Variants in DNAJB5 observed in about 807,000 individuals in gnomAD.
DNAJB5 encodes the protein DnaJ heat shock protein family (Hsp40) member B5.
DNAJB5 carries 12 observed loss-of-function variants against 32.6 expected under a neutral mutation model. That is an observed-to-expected ratio of 0.37 (90% CI 0.24 to 0.60). The LOEUF is 0.60. Ranked by LOEUF, DNAJB5 falls within the 20% of genes least tolerant of loss-of-function variation. DNAJB5 has a pLI of 0.71. For synonymous variants in DNAJB5, 188 were observed against 212.9 expected (o/e 0.88, Z 1.02); for missense variants, 358 against 554.2 (o/e 0.65, Z 3.55).
At position 34,992,865 on chromosome 9, in the gene DNAJB5, A is replaced by G. The variant is rs1226528310; in HGVS notation, c.183-335A>G. The G allele has an allele frequency of 1.1e-5, 13 of 1,162,678 alleles. No individual in the cohort carries two copies. In the East Asian group the frequency reaches 6.2e-4, roughly 55 times the overall value. 72.0% of individuals were successfully genotyped at this position (1,162,678 alleles called of 1,614,324 possible). On this transcript the variant is annotated intron_variant, in intron 2 of 4. Coordinates refer to ENST00000682809, the MANE Select transcript of DNAJB5 (RefSeq NM_001349723.3). ...CTCCTGTGTGTGGGTCGCTCAGTCC[A>G]TGGTGCCACCTCGCTCAGCAGGGCC...
chr9:34,998,677 C>T (rs1827866527), downstream of DNAJB5: 1 of 152,156 alleles, frequency 6.6e-6, no homozygotes, highest in African/African-American at 2.4e-5. Flanking sequence ...TATCCCTGCT[C>T]ATGAGAGACA....
In DNAJB5 at chr9:34,994,904, C is replaced by G. The variant is rs372585255; in HGVS notation, c.428-1361C>G. Among the ~76,000 whole-genome samples, 38 of 152,258 alleles carry G rather than the reference C, an allele frequency of 2.5e-4. 1 individual carries two copies. The South Asian group carries it at 6.0e-3, about 24-fold the overall frequency. On this transcript the variant is annotated intron_variant, in intron 3 of 4. Transcript: ENST00000682809. The stretch of plus-strand genomic sequence containing the variant: ...TATAGAGCAGTTATACACACAGACT[C>G]TGTGTGCAGCTCCAGCTAGGGACAA...
rs921543834 is a variant in DNAJB5, at chr9:34,990,969, T to C, written c.182+157T>C. The C allele has an allele frequency of 7.1e-5, 49 of 689,836 alleles. No individual in the cohort carries two copies. The highest frequency in any genetic ancestry group is 1.2e-4 in the Non-Finnish European group (49 of 419,758). 42.7% of individuals were successfully genotyped at this position (689,836 alleles called of 1,614,324 possible). Reference sequence around the variant, plus strand: ...GGCCTCACCCACATATTTGAATGAATTGCACCCCTTATCATTCCTTTTCTC... The same window carrying C: ...GGCCTCACCCACATATTTGAATGAACTGCACCCCTTATCATTCCTTTTCTC... On this transcript the variant is annotated intron_variant, in intron 2 of 4. Transcript: ENST00000682809. The surrounding 1 kb of genome is among the most constrained non-coding windows in gnomAD (Gnocchi z 4.5).
At chr9:34,991,535 G>A (rs925370405) in intron 2 of DNAJB5, 1 of 437,378 alleles carries the variant, frequency 2.3e-6, no homozygotes, top group African/African-American at 2.0e-5. Context: ...TCGTTCTCTA[G>A]GGGCACCCTC....
chr9:34,990,527 T>C lies in DNAJB5; in HGVS notation c.-104T>C. 1 of 1,544,782 alleles carries C rather than the reference T, an allele frequency of 6.5e-7. No homozygotes were observed. The highest frequency in any genetic ancestry group is 8.7e-7 in the Non-Finnish European group (1 of 1,146,710). On this transcript the variant is annotated 5_prime_UTR_variant, in exon 2 of 5. Coordinates refer to ENST00000682809, the MANE Select transcript of DNAJB5 (RefSeq NM_001349723.3). This position sits in a 1 kb window ranked among gnomAD's most constrained non-coding sequence, Gnocchi z 4.5. ...CGGCACCTGCTGCGCCAGACAGGCC[T>C]TGCTGGGCACGCGCCTCTGAGAGTC...
Position 34,997,290 on chromosome 9 carries a change from C to T in DNAJB5, c.*31C>T. 6.3e-7 allele frequency: 1 copy of T among 1,595,440 alleles called. No individual in the cohort carries two copies. The highest frequency in any genetic ancestry group is 8.6e-7 in the Non-Finnish European group (1 of 1,163,000). On this transcript the variant is annotated 3_prime_UTR_variant, in exon 5 of 5. Transcript: ENST00000682809. This position sits in a 1 kb window ranked among gnomAD's most constrained non-coding sequence, Gnocchi z 4.1. ...GCCCCAGCCAGTCCAGAGCCTACCA[C>T]AGCAATACCCCCAACACTCACTCCA...
intron 3 of DNAJB5, among the ~76,000 whole-genome samples, chr9:34,995,430 C>A (rs1827763904): frequency 6.6e-6 from 1 of 152,150 alleles, no homozygotes; most frequent in African/African-American, 2.4e-5. Flanking sequence ...CAGGACCTGA[C>A]AGAGAGAGCA....
At position 34,993,565 on chromosome 9, in the gene DNAJB5, C is replaced by A. The variant is rs143115356; in HGVS notation, c.427+121C>A. The A allele has an allele frequency of 1.0e-4, 138 of 1,335,360 alleles. 1 individual carries two copies. The African/African-American group carries it at 1.6e-3, about 16-fold the overall frequency. 82.7% of individuals were successfully genotyped at this position (1,335,360 alleles called of 1,614,324 possible). On this transcript the variant is annotated intron_variant, in intron 3 of 4. Coordinates refer to ENST00000682809, the MANE Select transcript of DNAJB5 (RefSeq NM_001349723.3). This position sits in a 1 kb window ranked among gnomAD's most constrained non-coding sequence, Gnocchi z 4.7. ...AGGGGGTGAGGGCAGCAAGGGTTTC[C>A]AGCACTGTCACCCAGAGAAGAGAGA...
Position 34,990,214 on chromosome 9 carries a change from C to T in DNAJB5, c.-132-285C>T, listed in dbSNP as rs1394050062. ...CCCGGCCGAGCTCCGCTCTGCCCCGCCCATCTGCGAGGGAGGAGACTCCCG... is the reference window on the plus strand; with the variant it reads ...CCCGGCCGAGCTCCGCTCTGCCCCGTCCATCTGCGAGGGAGGAGACTCCCG... On this transcript the variant is annotated intron_variant, in intron 1 of 4. Transcript: ENST00000682809. This position sits in a 1 kb window ranked among gnomAD's most constrained non-coding sequence, Gnocchi z 4.5. The T allele has an allele frequency of 3.0e-6, 4 of 1,312,946 alleles. No individual in the cohort carries two copies. In the African/African-American group the frequency reaches 5.9e-5, roughly 19 times the overall value. 81.3% of individuals were successfully genotyped at this position (1,312,946 alleles called of 1,614,324 possible).
At chr9:34,992,716 C>T (rs1433712666) in intron 2 of DNAJB5, 2 of 921,640 alleles carry the variant, frequency 2.2e-6, no homozygotes, top group Admixed American at 5.3e-5. Flanking sequence ...GGCGGAAGAC[C>T]CAGGCCTGTT....
rs779745578 is a variant in DNAJB5, at chr9:34,996,259, CT to C, written c.428-5del. On this transcript the variant is annotated splice_polypyrimidine_tract_variant and splice_region_variant and intron_variant, in intron 3 of 4. Transcript: ENST00000682809. The surrounding 1 kb of genome is among the most constrained non-coding windows in gnomAD (Gnocchi z 7.2). ...CACACTGCCCCTAACTTCTCCTCCC[CT>C]CTAGGCCTGAAGACCGGCGGTGGCA... 6.2e-7 allele frequency: 1 copy of C among 1,611,536 alleles called. No homozygotes were observed. Among genetic ancestry groups the C allele is most frequent in the South Asian group, 1.1e-5 (1 of 90,682 alleles).
In DNAJB5 at chr9:34,990,198, G is replaced by A; in HGVS notation, c.-132-301G>A. The A allele has an allele frequency of 2.4e-6, 3 of 1,255,028 alleles. No homozygotes were observed. The highest frequency in any genetic ancestry group is 6.3e-4 in the Middle Eastern group (2 of 3,168). The allele number at this position is 1,255,028 out of a possible 1,614,324, so 77.7% of individuals were successfully genotyped here. On this transcript the variant is annotated intron_variant, in intron 1 of 4. Coordinates refer to ENST00000682809, the MANE Select transcript of DNAJB5 (RefSeq NM_001349723.3). The surrounding 1 kb of genome is among the most constrained non-coding windows in gnomAD (Gnocchi z 4.5). ...TCGCCGCGCCTTTTGTCCCGGCCGAGCTCCGCTCTGCCCCGCCCATCTGCG... is the reference window on the plus strand; with the variant it reads ...TCGCCGCGCCTTTTGTCCCGGCCGAACTCCGCTCTGCCCCGCCCATCTGCG...
Position 34,990,703 on chromosome 9 carries a change from A to G in DNAJB5, c.73A>G (p.Ser25Gly), listed in dbSNP as rs1240991214. Residue 25 changes from serine to glycine, a missense_variant, in exon 2 of 5, where the codon AGC (serine) becomes GGC (glycine). Around this residue, in one of 2 missense-constraint regions of DNAJB5, gnomAD observed 110 missense variants for 111.7 expected, o/e 0.99. Transcript: ENST00000682809. The surrounding 1 kb of genome is among the most constrained non-coding windows in gnomAD (Gnocchi z 4.5). ...PPLQARGAFR[S>G]FPHSWGEDFL... ...ACTGCAGGCCCGAGGAGCTTTCCGG[A>G]GCTTCCCACACTCCTGGGGAGAAGA... 1.3e-6 allele frequency: 2 copies of G among 1,551,462 alleles called. No individual in the cohort carries two copies. Among genetic ancestry groups the G allele is most frequent in the Non-Finnish European group, 1.7e-6 (2 of 1,146,966 alleles).
Position 34,996,777 on chromosome 9 carries a change from A to G in DNAJB5, c.940A>G (p.Ile314Val), listed in dbSNP as rs1587502191. The change falls in exon 4 of 5, where the codon ATC (isoleucine) becomes GTC (valine). Residue 314 changes from isoleucine to valine, a missense_variant. Ile to Val is a conservative substitution (Grantham distance 29). Transcript: ENST00000682809. This position sits in a 1 kb window ranked among gnomAD's most constrained non-coding sequence, Gnocchi z 7.2. ...DATPDNIPAD[I>V]VFVLKDKPHA... Reference sequence around the variant, plus strand: ...CACACCTGACAACATCCCTGCTGACATCGTCTTTGTGCTCAAAGACAAGCC... The same window carrying G: ...CACACCTGACAACATCCCTGCTGACGTCGTCTTTGTGCTCAAAGACAAGCC... 4 of 1,614,068 alleles carry G rather than the reference A, an allele frequency of 2.5e-6. No individual in the cohort carries two copies. The South Asian group carries it at 3.3e-5, about 13-fold the overall frequency.
intron 2 of DNAJB5, chr9:34,991,186 C>T (rs1461100767): frequency 2.4e-6 from 1 of 415,950 alleles, no homozygotes; most frequent in Non-Finnish European, 4.8e-6. Context: ...TCCCCCTCGC[C>T]ATTTTCTCCC....
chr9:34,992,840 CTCCTGTGTGTGGGTCGCTCAG>C, intron 2 of DNAJB5: 8 of 1,074,562 alleles, frequency 7.4e-6, no homozygotes, highest in Non-Finnish European at 9.0e-6. Flanking sequence ...CCTTCGCCAG[CTCCTGTGTGTGGGTCGCTCAG>C]TCCATGGTGC....
chr9:34,989,846 C>A lies in DNAJB5; in HGVS notation c.-133+15C>A. 1 of 1,235,874 alleles carries A rather than the reference C, an allele frequency of 8.1e-7. No individual in the cohort carries two copies. Among genetic ancestry groups the A allele is most frequent in the Non-Finnish European group, 1.0e-6 (1 of 990,204 alleles). 76.6% of individuals were successfully genotyped at this position (1,235,874 alleles called of 1,614,324 possible). A position where few individuals can be genotyped will look rare whatever the true frequency, so the allele number is the denominator to read the frequency against. On this transcript the variant is annotated intron_variant, in intron 1 of 4. Transcript: ENST00000682809. ...GCTCCTCACCGGTGAGGGCGCCAAG[C>A]CAGGACTCGGGGGTCCCGGGAGCGG...
chr9:34,992,826 C>A, intron 2 of DNAJB5: 1 of 1,060,918 alleles, frequency 9.4e-7, no homozygotes. Flanking sequence ...ACCCGTTACA[C>A]TGACCTTCGC....
chr9:34,997,321 T>G lies in DNAJB5; in HGVS notation c.*62T>G. On this transcript the variant is annotated 3_prime_UTR_variant, in exon 5 of 5. Coordinates refer to ENST00000682809, the MANE Select transcript of DNAJB5 (RefSeq NM_001349723.3). This position sits in a 1 kb window ranked among gnomAD's most constrained non-coding sequence, Gnocchi z 4.1. ...TACCCCCAACACTCACTCCACTCAA[T>G]GTGCACCCAGCTTGATGTCCACTGG... 2 of 1,520,542 alleles carry G rather than the reference T, an allele frequency of 1.3e-6. No individual in the cohort carries two copies. The highest frequency in any genetic ancestry group is 1.8e-6 in the Non-Finnish European group (2 of 1,095,568). 94.2% of individuals were successfully genotyped at this position (1,520,542 alleles called of 1,614,324 possible). A position where few individuals can be genotyped will look rare whatever the true frequency, so the allele number is the denominator to read the frequency against.
Sources: gnomAD v4.1 joint callset for allele counts (sites outside exome capture counted in the v4.1 genomes callset) on GRCh38, gnomAD v4.1.1 for gene constraint, gnomAD v4.1.1 regional missense constraint, Gnocchi (gnomAD v3.1) non-coding constraint, MANE v1.5 for transcripts, NCBI Gene and HGNC (gene_info 2026-07-23, HGNC 2026-07-21) for gene names.